CRBN: variants seen among roughly 807,000 people sequenced by gnomAD.
The protein encoded by CRBN is cereblon.
CRBN carries 53 observed loss-of-function variants against 62.2 expected under a neutral mutation model. The ratio of observed to expected loss-of-function variants is 0.85; its 90% CI spans 0.68 to 1.07. The LOEUF (loss-of-function observed/expected upper bound fraction) is 1.07, where lower values mean the gene tolerates loss of function less well. CRBN is among the 50% of genes least tolerant of loss of function. The probability of loss-of-function intolerance (pLI) is 0.00; values close to 1 mark genes in which losing one functional copy is unlikely to be tolerated. For synonymous variants in CRBN, 208 were observed against 176.1 expected (o/e 1.18, Z -1.43); for missense variants, 616 against 531.1 (o/e 1.16, Z -1.57).
In CRBN at chr3:3,177,501, T is replaced by C. The variant is rs75527173; in HGVS notation, c.67+2120A>G. Among the ~76,000 whole-genome samples, 125 of 152,256 alleles carry C rather than the reference T, an allele frequency of 8.2e-4. 4 individuals carry two copies. In the East Asian group the frequency reaches 0.023, roughly 28 times the overall value. On this transcript the variant is annotated intron_variant, in intron 1 of 10. Coordinates refer to ENST00000231948, the MANE Select transcript of CRBN (RefSeq NM_016302.4). ...TTGGAACATGTAAGTTTCACTGAGA[T>C]AAAAAAAGAGCTATCTAAATGGATG... is the stretch of plus-strand genomic sequence containing the variant.
intron 6 of CRBN, chr3:3,155,058 C>T (rs1706822197): frequency 1.1e-5 from 6 of 556,224 alleles, no homozygotes; most frequent in South Asian, 4.2e-5. Flanking sequence ...CTTAACCCAG[C>T]GGTATATGCT....
chr3:3,161,213 G>C (rs145498925), intron 5 of CRBN, among the ~76,000 whole-genome samples: 1 of 152,200 alleles, frequency 6.6e-6, no homozygotes, highest in African/African-American at 2.4e-5. Context: ...ATTAATTACA[G>C]AGACTATAAA....
chr3:3,159,872 A>G (rs749732412), intron 5 of CRBN, among the ~76,000 whole-genome samples: 4 of 152,220 alleles, frequency 2.6e-5, no homozygotes, highest in Admixed American at 6.5e-5. Flanking sequence ...CTCCTGTCTT[A>G]TATCTGGGTA....
chr3:3,154,466 A>C (rs1706792118), intron 7 of CRBN: 1 of 493,504 alleles, frequency 2.0e-6, no homozygotes, highest in Non-Finnish European at 3.6e-6. Flanking sequence ...AGGAGTCCTT[A>C]CACAGGAAGT....
At position 3,179,544 on chromosome 3, in the gene CRBN, C is replaced by T. The variant is rs2306831; in HGVS notation, c.67+77G>A. The T allele has an allele frequency of 1.0e-3, 1,488 of 1,460,464 alleles. 27 individuals carry two copies. The East Asian group carries it at 0.031, about 31-fold the overall frequency. 90.5% of individuals were successfully genotyped at this position (1,460,464 alleles called of 1,614,324 possible). A position where few individuals can be genotyped will look rare whatever the true frequency, so the allele number is the denominator to read the frequency against. ...AGGCTTGGCGCCCCCACGCCCGCCT[C>T]CCAGGCCCAGCTGCACCGCTAGCGG... On this transcript the variant is annotated intron_variant, in intron 1 of 10. Coordinates refer to ENST00000231948, the MANE Select transcript of CRBN (RefSeq NM_016302.4).
At chr3:3,151,284 A>G (rs1706529267) in intron 10 of CRBN, among the ~76,000 whole-genome samples, 1 of 152,220 alleles carries the variant, frequency 6.6e-6, no homozygotes, top group Non-Finnish European at 1.5e-5. Flanking sequence ...TCTACTGCAT[A>G]GAAATAAAGA....
At chr3:3,154,474 A>G in intron 7 of CRBN, 1 of 501,076 alleles carries the variant, frequency 2.0e-6, no homozygotes, top group South Asian at 2.2e-5. Flanking sequence ...TTACACAGGA[A>G]GTGTTTTTGG....
At chr3:3,151,885 T>A (rs1706581867) in intron 10 of CRBN, among the ~76,000 whole-genome samples, 1 of 152,204 alleles carries the variant, frequency 6.6e-6, no homozygotes. Flanking sequence ...CTGCACCTTC[T>A]TAGTCTATCA....
intron 5 of CRBN, among the ~76,000 whole-genome samples, chr3:3,165,468 C>T (rs1320751603): frequency 6.6e-6 from 1 of 152,180 alleles, no homozygotes; most frequent in African/African-American, 2.4e-5. Flanking sequence ...CTTCAGCAAC[C>T]ACTACCCTGA....
chr3:3,153,567 AACTT>A (rs1320247371), intron 8 of CRBN, 79 bp from the exon 9 acceptor site: 11 of 834,832 alleles, frequency 1.3e-5, no homozygotes, highest in Middle Eastern at 2.2e-4. Context: ...ATCATCAAGA[AACTT>A]ACTTATAAAG....
intron 6 of CRBN, chr3:3,155,266 A>G (rs1040994544): frequency 6.1e-6 from 1 of 162,780 alleles, no homozygotes; most frequent in Non-Finnish European, 1.3e-5. Flanking sequence ...ACATGCAAAA[A>G]CTCATATATT....
intron 4 of CRBN, 116 bp downstream of exon 4, chr3:3,172,660 G>C: frequency 9.3e-7 from 1 of 1,070,180 alleles, no homozygotes; most frequent in Non-Finnish European, 1.4e-6. Flanking sequence ...AGAAGGGAAA[G>C]AGAACAACTA....
At position 3,174,279 on chromosome 3, in the gene CRBN, T is replaced by A. The variant is rs200971652; in HGVS notation, c.175-18A>T. The A allele has an allele frequency of 1.9e-4, 300 of 1,539,870 alleles. 1 individual carries two copies. In the African/African-American group the frequency reaches 3.7e-3, roughly 19 times the overall value. On this transcript the variant is annotated intron_variant, in intron 2 of 10. Transcript: ENST00000231948. The stretch of plus-strand genomic sequence containing the variant: ...CCTAGGTACTATATAAAAACATATA[T>A]AGGTATAGTGTCATGATCGATATGT...
chr3:3,154,908 AACT>A, intron 6 of CRBN, 77 bp from the exon 7 acceptor site: 1 of 828,290 alleles, frequency 1.2e-6, no homozygotes, highest in Non-Finnish European at 2.1e-6. Context: ...CAACTCTTAA[AACT>A]AACACTGGTA....
At chr3:3,154,274 C>CT (rs1452467600) in intron 7 of CRBN, 199 bp from the exon 8 acceptor site, 6 of 569,306 alleles carry the variant, frequency 1.1e-5, no homozygotes, top group East Asian at 6.0e-5. Context: ...TTTTCTTATA[C>CT]TTTTTTTGGT....
Position 3,152,483 on chromosome 3 carries a change from G to C in CRBN, c.1121C>G (p.Pro374Arg), listed in dbSNP as rs1376728514. ...AGGAAACCAGCTGTGTTCTGTAGAAGGCCGGCCTATCAGATTCAAGTTGCA... is the reference window on the plus strand; with the variant it reads ...AGGAAACCAGCTGTGTTCTGTAGAACGCCGGCCTATCAGATTCAAGTTGCA... Reference protein sequence around the residue: ...KACNLNLIGRPSTEHSWFPGY... With the variant: ...KACNLNLIGRRSTEHSWFPGY... Residue 374 changes from proline (P) to arginine (R), a missense_variant, in exon 10 of 11, where the codon CCT becomes CGT. Pro to Arg is a moderately radical substitution (Grantham distance 103). Coordinates refer to ENST00000231948, the MANE Select transcript of CRBN (RefSeq NM_016302.4). The C allele has an allele frequency of 1.2e-6, 2 of 1,613,440 alleles. No individual in the cohort carries two copies. Among genetic ancestry groups the C allele is most frequent in the Non-Finnish European group, 1.7e-6 (2 of 1,179,934 alleles).
chr3:3,152,501 A>C lies in CRBN; in HGVS notation c.1103T>G (p.Leu368Trp). 1 of 1,614,028 alleles carries C rather than the reference A, an allele frequency of 6.2e-7. No homozygotes were observed. The highest frequency in any genetic ancestry group is 8.5e-7 in the Non-Finnish European group (1 of 1,179,968). Reference protein sequence around the residue: ...ETLTVYKACNLNLIGRPSTEH... With the variant: ...ETLTVYKACNWNLIGRPSTEH... ...TGTAGAAGGCCGGCCTATCAGATTCAAGTTGCAAGCCTTATACACAGTAAG... is the reference window on the plus strand; with the variant it reads ...TGTAGAAGGCCGGCCTATCAGATTCCAGTTGCAAGCCTTATACACAGTAAG... The change falls in exon 10 of 11, where the codon TTG becomes TGG. Residue 368 changes from leucine to tryptophan, a missense_variant. Coordinates refer to ENST00000231948, the MANE Select transcript of CRBN (RefSeq NM_016302.4).
chr3:3,155,848 C>A, intron 6 of CRBN: 1 of 204,262 alleles, frequency 4.9e-6, no homozygotes, highest in Non-Finnish European at 9.9e-6. Context: ...GCTCTGTTGT[C>A]CAGGCTGGAG....
At chr3:3,152,369 T>C (rs1706626609) in intron 10 of CRBN, 87 bp downstream of exon 10, 2 of 1,355,190 alleles carry the variant, frequency 1.5e-6, no homozygotes, top group East Asian at 4.6e-5. Context: ...TTATAAAGAT[T>C]GTGGCAACTC....
Sources: allele counts gnomAD v4.1 joint callset (sites outside exome capture counted in the v4.1 genomes callset), GRCh38; gene constraint gnomAD v4.1.1; transcripts MANE v1.5; gene names NCBI Gene and HGNC (gene_info 2026-07-23, HGNC 2026-07-21).